ANKRD12: variants seen among roughly 807,000 people sequenced by gnomAD.
The protein encoded by ANKRD12 is ankyrin repeat domain 12, also known as ankyrin repeat domain-containing protein 12.
ANKRD12 carries 85 observed loss-of-function variants against 183.4 expected under a neutral mutation model. That is an observed-to-expected ratio of 0.46 (90% confidence interval 0.39 to 0.56). ANKRD12 has a LOEUF of 0.56. Among genes scored for constraint, ANKRD12 ranks in the 20% least tolerant of loss-of-function variants. The pLI, the probability that ANKRD12 is intolerant of heterozygous loss-of-function variation, is 0.00. For synonymous variants in ANKRD12, 914 were observed against 800.2 expected (o/e 1.14, Z -2.40); for missense variants, 2,405 against 2,357.1 (o/e 1.02, Z -0.42).
intron 7 of ANKRD12, among the ~76,000 whole-genome samples, chr18:9,220,466 A>C (rs1167306904): frequency 6.6e-6 from 1 of 152,232 alleles, no homozygotes; most frequent in African/African-American, 2.4e-5. Context: ...CAGAATCAAT[A>C]ACACCTGGCT....
chr18:9,150,598 T>C (rs1568222659), intron 1 of ANKRD12, among the ~76,000 whole-genome samples: 1 of 152,206 alleles, frequency 6.6e-6, no homozygotes, highest in Non-Finnish European at 1.5e-5. Context: ...ATCTTTTGCA[T>C]GCTGTTGGTG....
rs1016180580 is a variant in ANKRD12 at position 9,171,087 on chromosome 18, C to T, written c.-51-11295C>T. On this transcript the variant is annotated intron_variant, in intron 1 of 12. Coordinates refer to ENST00000262126, the MANE Select transcript of ANKRD12 (RefSeq NM_015208.5). The stretch of plus-strand genomic sequence containing the variant: ...GGAAGTTTGGTCTCAGAGGAGTACC[C>T]GGCCGTGTGAGGTGTCAGTCCGCCC... Among the ~76,000 whole-genome samples, 11 of 152,148 alleles carry T rather than the reference C, an allele frequency of 7.2e-5. No individual in the cohort carries two copies. The East Asian group carries it at 1.5e-3, about 21-fold the overall frequency.
chr18:9,258,692 A>T lies in ANKRD12; in HGVS notation c.5425A>T (p.Thr1809Ser). ...SPSLLQAKEKTQQSLAAIVDS... is the reference protein window; with the variant it reads ...SPSLLQAKEKSQQSLAAIVDS... The stretch of plus-strand genomic sequence containing the variant: ...CTCTTTACTACAAGCAAAAGAGAAA[A>T]CTCAGCAATCTCTGGCAGCCATTGT... The change falls in exon 9 of 13, where the codon ACT becomes TCT. Residue 1809 changes from threonine (T) to serine (S), a missense_variant. By Grantham distance (58) the Thr-to-Ser change is moderately conservative. This residue lies in a region of ANKRD12 where 1,983 missense variants were observed against 1,725.9 expected (regional missense o/e 1.15). Coordinates refer to ENST00000262126, the MANE Select transcript of ANKRD12 (RefSeq NM_015208.5). 2 of 1,613,948 alleles carry T rather than the reference A, an allele frequency of 1.2e-6. No homozygotes were observed. Among genetic ancestry groups the T allele is most frequent in the South Asian group, 2.2e-5 (2 of 91,072 alleles).
rs140778555 is a variant in ANKRD12, at chr18:9,270,643, C to T, written c.5764-4881C>T. On this transcript the variant is annotated intron_variant, in intron 10 of 12. Transcript: ENST00000262126. ...GGTGGAGGGAGGCGGGGAGGGATAGCATTAGGAGAGATACCTAATATTAAA... is the reference window on the plus strand; with the variant it reads ...GGTGGAGGGAGGCGGGGAGGGATAGTATTAGGAGAGATACCTAATATTAAA... Among the ~76,000 whole-genome samples the T allele has an allele frequency of 7.3e-3, 1,112 of 152,226 alleles. 14 individuals carry two copies. Among genetic ancestry groups the T allele is most frequent in the African/African-American group, 0.026 (1,059 of 41,526 alleles).
In ANKRD12 at chr18:9,275,610, T is replaced by C; in HGVS notation, c.5850T>C (p.Phe1950=). 4 of 1,609,834 alleles carry C rather than the reference T, an allele frequency of 2.5e-6. No individual in the cohort carries two copies. Among genetic ancestry groups the C allele is most frequent in the African/African-American group, 1.3e-5 (1 of 75,032 alleles). Residue 1950 remains phenylalanine, a synonymous_variant, in exon 11 of 13, where the codon TTT becomes TTC. Transcript: ENST00000262126. ...ARTLANQTLP[F]SACTVLLDAE... ...CATTGGCAAATCAAACACTGCCATTTAGTGCTTGTACTGTTTTGCTGGATG... is the reference window on the plus strand; with the variant it reads ...CATTGGCAAATCAAACACTGCCATTCAGTGCTTGTACTGTTTTGCTGGATG...
intron 1 of ANKRD12, among the ~76,000 whole-genome samples, chr18:9,145,871 A>G (rs1466053012): frequency 2.6e-5 from 4 of 152,274 alleles, no homozygotes; most frequent in Admixed American, 1.3e-4. Flanking sequence ...TTGTAAGCAC[A>G]TATCTGAAGA....
chr18:9,155,160 G>GT (rs2030215989), intron 1 of ANKRD12, among the ~76,000 whole-genome samples: 1 of 152,240 alleles, frequency 6.6e-6, no homozygotes, highest in Non-Finnish European at 1.5e-5. Context: ...TCTTGGAGAA[G>GT]TGGGGAGGGT....
chr18:9,266,812 A>G (rs941843819), intron 10 of ANKRD12, among the ~76,000 whole-genome samples: 1 of 152,192 alleles, frequency 6.6e-6, no homozygotes, highest in African/African-American at 2.4e-5. Flanking sequence ...ATTAAAAGAC[A>G]CAGACTGGCA....
At chr18:9,249,852 T>C (rs1320062647) in intron 8 of ANKRD12, 1 of 152,180 alleles carries the variant, frequency 6.6e-6, no homozygotes, top group Non-Finnish European at 1.5e-5. Flanking sequence ...CATATAAATA[T>C]GCATGGAATT....
chr18:9,142,309 A>C (rs2078345755), intron 1 of ANKRD12, among the ~76,000 whole-genome samples: 1 of 152,244 alleles, frequency 6.6e-6, no homozygotes. Context: ...TCTCTTTTGA[A>C]CCTCACAGCT....
intron 1 of ANKRD12, among the ~76,000 whole-genome samples, chr18:9,156,224 T>C (rs1476584563): frequency 6.6e-6 from 1 of 151,910 alleles, no homozygotes; most frequent in East Asian, 1.9e-4. Flanking sequence ...TTTCCCCTAA[T>C]ACTTATATGG....
At chr18:9,272,206 A>G (rs2039637691) in intron 10 of ANKRD12, among the ~76,000 whole-genome samples, 1 of 152,224 alleles carries the variant, frequency 6.6e-6, no homozygotes, top group African/African-American at 2.4e-5. Context: ...TTGTCAGGTA[A>G]GCAACATTTA....
At chr18:9,209,396 C>T (rs1448210728) in intron 5 of ANKRD12, among the ~76,000 whole-genome samples, 2 of 152,102 alleles carry the variant, frequency 1.3e-5, no homozygotes, top group Admixed American at 1.3e-4. Flanking sequence ...TCACTTTTGT[C>T]TGGAGAAAAT....
At chr18:9,216,665 A>T in intron 6 of ANKRD12, 93 bp from the exon 7 acceptor site, 1 of 1,316,726 alleles carries the variant, frequency 7.6e-7, no homozygotes, top group Middle Eastern at 2.1e-4. Flanking sequence ...GTGCAGTTTT[A>T]GAATTTATAT....
chr18:9,190,480 ACAG>A (rs2034383445), intron 2 of ANKRD12, among the ~76,000 whole-genome samples: 1 of 152,226 alleles, frequency 6.6e-6, no homozygotes, highest in South Asian at 2.1e-4. Context: ...CGTTGATAAA[ACAG>A]CAGCAGAGTT....
intron 8 of ANKRD12, chr18:9,239,421 A>G: frequency 2.4e-6 from 2 of 834,356 alleles, no homozygotes; most frequent in Non-Finnish European, 3.4e-6. Flanking sequence ...AACCTTTTTG[A>G]TTTTCACTGA....
In ANKRD12 at chr18:9,254,241, C is replaced by A; in HGVS notation, c.974C>A (p.Ser325Tyr). 1.3e-6 allele frequency: 2 copies of A among 1,593,906 alleles called. No homozygotes were observed. Among genetic ancestry groups the A allele is most frequent in the Non-Finnish European group, 1.7e-6 (2 of 1,173,196 alleles). Residue 325 changes from serine (S) to tyrosine (Y), a missense_variant, in exon 9 of 13, where the codon TCT becomes TAT. Physicochemically the swap from Ser to Tyr is moderately radical, Grantham distance 144. Around this residue, in one of 7 missense-constraint regions of ANKRD12, gnomAD observed 1,983 missense variants for 1,725.9 expected, o/e 1.15. Transcript: ENST00000262126. ...GAAGAGGCTCAATCTGTAAATCCTT[C>A]TAGTGTTGATGAAAATATTGACTCT... ...DSEEAQSVNP[S>Y]SVDENIDSET...
chr18:9,198,073 A>G (rs1257915731), intron 3 of ANKRD12, among the ~76,000 whole-genome samples: 1 of 152,184 alleles, frequency 6.6e-6, no homozygotes, highest in African/African-American at 2.4e-5. Flanking sequence ...ATTAAGTGAT[A>G]TTTCCCATAT....
At chr18:9,181,548 G>T (rs9946176) in intron 1 of ANKRD12, among the ~76,000 whole-genome samples, 45,614 of 152,090 alleles carry the variant, frequency 0.3, 7,492 homozygotes, top group South Asian at 0.49. Context: ...GTGCTGTGCA[G>T]TAGACCTTTC....
Sources: allele counts gnomAD v4.1 joint callset (sites outside exome capture counted in the v4.1 genomes callset), GRCh38; gene constraint gnomAD v4.1.1; regional missense constraint gnomAD v4.1.1; transcripts MANE v1.5; gene names NCBI Gene and HGNC (gene_info 2026-07-23, HGNC 2026-07-21).